The following WDR7 variants were observed in gnomAD, a reference collection of about 807,000 sequenced individuals.
WDR7 encodes the protein WD repeat domain 7.
In WDR7, 46 loss-of-function variants were observed where a neutral mutation model predicts 169.4. That is an observed-to-expected ratio of 0.27 (90% CI 0.21 to 0.35). The LOEUF (loss-of-function observed/expected upper bound fraction) is 0.35, where lower values mean the gene tolerates loss of function less well. Among genes scored for constraint, WDR7 ranks in the 10% least tolerant of loss-of-function variants. The pLI is 1.00. For synonymous variants in WDR7, 612 were observed against 666.8 expected, an observed-to-expected ratio of 0.92 and a Z score of 1.27; for missense variants, 1,534 against 1,859.3, an observed-to-expected ratio of 0.83 and a Z score of 3.22.
intron 20 of WDR7, among the ~76,000 whole-genome samples, chr18:56,819,305 G>A (rs1379925297): frequency 6.6e-6 from 1 of 152,138 alleles, no homozygotes; most frequent in East Asian, 1.9e-4. Flanking sequence ...CAGCTGGAAA[G>A]ACTAGGAGGA....
chr18:56,873,286 T>C (rs1476597614), intron 20 of WDR7, among the ~76,000 whole-genome samples: 1 of 152,228 alleles, frequency 6.6e-6, no homozygotes, highest in East Asian at 1.9e-4. Flanking sequence ...CACCAAGTGA[T>C]GTACTTGACA....
intron 21 of WDR7, among the ~76,000 whole-genome samples, chr18:56,892,342 C>G (rs1289039229): frequency 2.0e-5 from 3 of 152,068 alleles, no homozygotes; most frequent in African/African-American, 7.2e-5. Context: ...TCCAGTAGTC[C>G]ATAGCTATGC....
chr18:56,704,572 G>A (rs2025906947), intron 12 of WDR7, among the ~76,000 whole-genome samples: 1 of 152,078 alleles, frequency 6.6e-6, no homozygotes, highest in African/African-American at 2.4e-5. Context: ...CAAATATTAG[G>A]TTGTGCAAGT....
chr18:56,910,506 A>G (rs17090408), intron 21 of WDR7, among the ~76,000 whole-genome samples: 5,470 of 152,268 alleles, frequency 0.036, 124 homozygotes, highest in Middle Eastern at 0.058. Flanking sequence ...TTTCACTCCT[A>G]TATAGATTTT....
intron 16 of WDR7, among the ~76,000 whole-genome samples, chr18:56,767,197 G>A (rs1316135709): frequency 6.6e-6 from 1 of 152,174 alleles, no homozygotes; most frequent in East Asian, 1.9e-4. Context: ...GCTGTTGGGA[G>A]CAGGCACTGT....
At chr18:56,754,099 T>G (rs2043836373) in intron 14 of WDR7, among the ~76,000 whole-genome samples, 1 of 151,840 alleles carries the variant, frequency 6.6e-6, no homozygotes, top group Non-Finnish European at 1.5e-5. Context: ...CAGTCACATA[T>G]ATATGTATGT....
intron 20 of WDR7, among the ~76,000 whole-genome samples, chr18:56,849,437 T>C (rs2045611672): frequency 6.6e-6 from 1 of 152,252 alleles, no homozygotes; most frequent in African/African-American, 2.4e-5. Context: ...TTTTTGTCCT[T>C]TTCTAAGCTT....
At chr18:56,929,817 T>C (rs546376393) in intron 22 of WDR7, among the ~76,000 whole-genome samples, 4 of 152,348 alleles carry the variant, frequency 2.6e-5, no homozygotes, top group South Asian at 4.1e-4. Flanking sequence ...TAGAAACATA[T>C]AGTATTAACC....
chr18:56,948,939 C>T (rs1280019360), intron 25 of WDR7, among the ~76,000 whole-genome samples: 1 of 152,134 alleles, frequency 6.6e-6, no homozygotes, highest in Non-Finnish European at 1.5e-5. Context: ...CTCTCTATGG[C>T]ATCTCTTTCT....
chr18:56,878,417 T>C (rs755117723), intron 20 of WDR7, among the ~76,000 whole-genome samples: 2 of 152,180 alleles, frequency 1.3e-5, no homozygotes, highest in African/African-American at 4.8e-5. Flanking sequence ...CTTTTTTTCA[T>C]GCACTTGTGA....
intron 16 of WDR7, among the ~76,000 whole-genome samples, chr18:56,765,865 T>TG (rs2044057720): frequency 2.0e-5 from 3 of 152,182 alleles, no homozygotes; most frequent in Non-Finnish European, 4.4e-5. Flanking sequence ...ACGTGCAGGT[T>TG]TGCTACATGG....
At chr18:56,897,432 T>G (rs1023993125) in intron 21 of WDR7, among the ~76,000 whole-genome samples, 4 of 151,942 alleles carry the variant, frequency 2.6e-5, no homozygotes, top group African/African-American at 7.2e-5. Flanking sequence ...TGAACTTTTA[T>G]GAAGTTCAAA....
intron 25 of WDR7, among the ~76,000 whole-genome samples, chr18:56,955,226 C>T (rs186758511): frequency 6.6e-6 from 1 of 152,204 alleles, no homozygotes; most frequent in Admixed American, 6.5e-5. Flanking sequence ...ACAAGTAGAA[C>T]TCCCTCTAAA....
intron 26 of WDR7, among the ~76,000 whole-genome samples, chr18:57,007,404 A>T (rs963130571): frequency 1.3e-5 from 2 of 152,202 alleles, no homozygotes; most frequent in African/African-American, 4.8e-5. Context: ...TGGATAACTG[A>T]TGAAATTTAA....
In WDR7 at chr18:56,673,604, T is replaced by C. The variant is rs191907871; in HGVS notation, c.159+930T>C. On this transcript the variant is annotated intron_variant, in intron 2 of 27. Coordinates refer to ENST00000254442, the MANE Select transcript of WDR7 (RefSeq NM_015285.3). ...ATCCCAGCACTTTGTGGGGCTGAGG[T>C]GGATAGATTGCTTGAGTCCAGGAGT... Among the ~76,000 whole-genome samples the C allele has an allele frequency of 9.9e-5, 15 of 151,958 alleles. No individual in the cohort carries two copies. The East Asian group carries it at 2.7e-3, about 27-fold the overall frequency.
At chr18:56,664,256 T>C (rs1445351016) in intron 1 of WDR7, among the ~76,000 whole-genome samples, 1 of 152,150 alleles carries the variant, frequency 6.6e-6, no homozygotes, top group African/African-American at 2.4e-5. Flanking sequence ...TTAAGTCTTT[T>C]TGAGGGCGCA....
At position 56,686,878 on chromosome 18, in the gene WDR7, G is replaced by A. The variant is rs766290879; in HGVS notation, c.621G>A (p.Glu207=). The change falls in exon 7 of 28, where the codon GAG becomes GAA. Residue 207 remains glutamate (E), a synonymous_variant. Coordinates refer to ENST00000254442, the MANE Select transcript of WDR7 (RefSeq NM_015285.3). Reference sequence around the variant, plus strand: ...AGGATACTGAGCCAATATTTGAGGAGGAATCCAAACCAATTTATTGTCAGA... The same window carrying A: ...AGGATACTGAGCCAATATTTGAGGAAGAATCCAAACCAATTTATTGTCAGA... ...DMQDTEPIFE[E]ESKPIYCQNC... is the part of the protein sequence containing the mutation. The A allele has an allele frequency of 1.1e-5, 18 of 1,605,754 alleles. No individual in the cohort carries two copies. Among genetic ancestry groups the A allele is most frequent in the Non-Finnish European group, 8.5e-7 (1 of 1,172,854 alleles).
chr18:56,759,197 A>G (rs145741744), intron 16 of WDR7, among the ~76,000 whole-genome samples: 2,437 of 152,260 alleles, frequency 0.016, 24 homozygotes, highest in Non-Finnish European at 0.022. Context: ...ACTAATTTTT[A>G]TGCATTGGGG....
chr18:56,888,914 T>G (rs2046230951), intron 21 of WDR7, among the ~76,000 whole-genome samples: 1 of 152,120 alleles, frequency 6.6e-6, no homozygotes. Context: ...TGTGTTTTAG[T>G]TACATAGAAG....
Sources: gnomAD v4.1 joint callset for allele counts (sites outside exome capture counted in the v4.1 genomes callset) on GRCh38, gnomAD v4.1.1 for gene constraint, MANE v1.5 for transcripts, NCBI Gene and HGNC (gene_info 2026-07-23, HGNC 2026-07-21) for gene names.